Variants in CRYBG3 observed in about 807,000 individuals in gnomAD.
The protein encoded by CRYBG3 is crystallin beta-gamma domain containing 3.
A neutral mutation model predicts 244.2 loss-of-function variants in CRYBG3; 127 were observed. The ratio of observed to expected loss-of-function variants is 0.52; its 90% CI spans 0.45 to 0.60. CRYBG3 has a LOEUF of 0.60. Among genes scored for constraint, CRYBG3 ranks in the 20% least tolerant of loss-of-function variants. CRYBG3 has a pLI of 0.00. For missense variants in CRYBG3, 3,325 were observed against 3,442.5 expected (o/e 0.97, Z 0.85); for synonymous variants, 1,132 against 1,195.8 (o/e 0.95, Z 1.10).
chr3:97,855,132 G>A (rs1257754808), intron 2 of CRYBG3, among the ~76,000 whole-genome samples: 1 of 152,058 alleles, frequency 6.6e-6, no homozygotes, highest in Non-Finnish European at 1.5e-5. Context: ...TTCTGTTGAT[G>A]TGATGTTTAT....
chr3:97,907,719 T>C (rs1311073874), intron 15 of CRYBG3, among the ~76,000 whole-genome samples: 4 of 152,052 alleles, frequency 2.6e-5, no homozygotes, highest in Non-Finnish European at 5.9e-5. Flanking sequence ...ATTAATTTTT[T>C]GAAGGGTGTT....
chr3:97,943,301 T>C lies in CRYBG3; in HGVS notation c.8900T>C (p.Ile2967Thr), dbSNP rs762547156. 4.5e-6 allele frequency: 7 copies of C among 1,564,546 alleles called. No homozygotes were observed. Among genetic ancestry groups the C allele is most frequent in the South Asian group, 1.1e-5 (1 of 89,468 alleles). ...GGAGAAGAAACACAGAAATGGGACA[T>C]TGAAATATTGTGAGAGAATCAACAT... ...LEGEETQKWD[I>T]EIL The change falls in exon 22 of 22, where the codon ATT (isoleucine) becomes ACT (threonine). Residue 2967 changes from isoleucine (I) to threonine (T), a missense_variant. By Grantham distance (89) the Ile-to-Thr change is moderately conservative (BLOSUM62 -1). Transcript: ENST00000389622.
At chr3:97,921,749 A>G (rs1028761179) in intron 17 of CRYBG3, among the ~76,000 whole-genome samples, 1 of 152,176 alleles carries the variant, frequency 6.6e-6, no homozygotes, top group Non-Finnish European at 1.5e-5. Flanking sequence ...CTGTTGATTG[A>G]TCTAAGGTGG....
intron 17 of CRYBG3, among the ~76,000 whole-genome samples, chr3:97,920,331 A>C (rs1418090080): frequency 6.6e-6 from 1 of 152,066 alleles, no homozygotes; most frequent in East Asian, 1.9e-4. Context: ...AGAAATTTTC[A>C]TTATCATAAC....
At chr3:97,905,989 T>G (rs1246956637) in intron 15 of CRYBG3, among the ~76,000 whole-genome samples, 3 of 146,190 alleles carry the variant, frequency 2.1e-5, no homozygotes, top group East Asian at 4.0e-4. Flanking sequence ...CAGCACCATT[T>G]ATTAAATAGG....
intron 1 of CRYBG3, among the ~76,000 whole-genome samples, chr3:97,841,342 A>ATATACGCATATATATATGTATATATGCG (rs1559715177): frequency 6.7e-6 from 1 of 150,348 alleles, no homozygotes; most frequent in Non-Finnish European, 1.5e-5. Flanking sequence ...GTATATATGC[A>ATATACGCATATATATATGTATATATGCG]TATATATATG....
At chr3:97,849,847 C>T (rs2038958283) in intron 2 of CRYBG3, among the ~76,000 whole-genome samples, 1 of 152,120 alleles carries the variant, frequency 6.6e-6, no homozygotes, top group African/African-American at 2.4e-5. Flanking sequence ...AGTGCTTTTG[C>T]TGAAATACTT....
At position 97,833,769 on chromosome 3, in the gene CRYBG3, A is replaced by G. The variant is rs1383324904; in HGVS notation, c.150-9426A>G. On this transcript the variant is annotated intron_variant, in intron 1 of 21. Transcript: ENST00000389622. ...CAAAACAGAGGTTTTTCGCTGTCAT[A>G]GTCTGTGTTCTGTGCTATAAAGGAA... Among the ~76,000 whole-genome samples the G allele has an allele frequency of 5.3e-5, 8 of 152,134 alleles. No homozygotes were observed. The South Asian group carries it at 1.2e-3, about 24-fold the overall frequency.
chr3:97,841,518 A>G (rs1216448023), intron 1 of CRYBG3, among the ~76,000 whole-genome samples: 1 of 151,908 alleles, frequency 6.6e-6, no homozygotes, highest in Non-Finnish European at 1.5e-5. Context: ...GACCATGACC[A>G]TTTGTTTCTT....
At chr3:97,827,942 T>A (rs956034741) in intron 1 of CRYBG3, among the ~76,000 whole-genome samples, 1 of 152,112 alleles carries the variant, frequency 6.6e-6, no homozygotes, top group Non-Finnish European at 1.5e-5. Context: ...TAAAAGACAA[T>A]GGCATGCAGC....
At chr3:97,842,786 A>G (rs1251370194) in intron 1 of CRYBG3, among the ~76,000 whole-genome samples, 1 of 152,198 alleles carries the variant, frequency 6.6e-6, no homozygotes, top group African/African-American at 2.4e-5. Context: ...TTTGCTGAAT[A>G]GAAATGCATT....
chr3:97,891,529 C>T (rs1038641046), intron 10 of CRYBG3, among the ~76,000 whole-genome samples: 1 of 152,112 alleles, frequency 6.6e-6, no homozygotes, highest in Non-Finnish European at 1.5e-5. Flanking sequence ...CGTTATTTTT[C>T]ATCATAAGCT....
chr3:97,913,905 T>C (rs1345604238), intron 16 of CRYBG3, among the ~76,000 whole-genome samples: 1 of 152,246 alleles, frequency 6.6e-6, no homozygotes, highest in African/African-American at 2.4e-5. Flanking sequence ...ATTGCATATG[T>C]GCTTTCCAGC....
At chr3:97,937,624 C>T (rs2040178955) in intron 19 of CRYBG3, among the ~76,000 whole-genome samples, 2 of 152,042 alleles carry the variant, frequency 1.3e-5, no homozygotes, top group Non-Finnish European at 2.9e-5. Flanking sequence ...TACAAAAACA[C>T]TGTATGCAGT....
intron 11 of CRYBG3, 31 bp from the exon 12 acceptor site, chr3:97,895,928 T>C: frequency 7.5e-6 from 12 of 1,600,480 alleles, no homozygotes; most frequent in Non-Finnish European, 9.4e-6. Flanking sequence ...GTTTTATTAA[T>C]GGGTCATTTG....
intron 17 of CRYBG3, chr3:97,933,458 T>C: frequency 1.7e-6 from 1 of 573,360 alleles, no homozygotes; most frequent in South Asian, 1.7e-5. Context: ...GCTGTTTTTA[T>C]TATGAGATTG....
intron 6 of CRYBG3, 124 bp downstream of exon 6, chr3:97,880,224 G>A: frequency 3.6e-6 from 2 of 562,750 alleles, no homozygotes; most frequent in Admixed American, 6.9e-5. Context: ...TTCGACAGAA[G>A]ATTTTGAAAC....
chr3:97,884,908 C>G (rs915333030), intron 7 of CRYBG3, among the ~76,000 whole-genome samples: 1 of 151,916 alleles, frequency 6.6e-6, no homozygotes, highest in African/African-American at 2.4e-5. Context: ...TTAGCTTTTC[C>G]CTTTTAGAGT....
chr3:97,827,582 C>CT (rs2038594797), intron 1 of CRYBG3, among the ~76,000 whole-genome samples: 2 of 152,114 alleles, frequency 1.3e-5, no homozygotes, highest in African/African-American at 4.8e-5. Flanking sequence ...TGTTTTCTTT[C>CT]TTCCTAATCA....
Sources: allele counts gnomAD v4.1 joint callset (sites outside exome capture counted in the v4.1 genomes callset), GRCh38; gene constraint gnomAD v4.1.1; transcripts MANE v1.5; gene names NCBI Gene and HGNC (gene_info 2026-07-23, HGNC 2026-07-21).